Variants in STX3 observed in about 807,000 individuals in gnomAD.
STX3 encodes syntaxin-3.
STX3 carries 19 observed loss-of-function variants against 40.2 expected under a neutral mutation model. That is an observed-to-expected ratio of 0.47 (90% CI 0.33 to 0.69). The LOEUF (loss-of-function observed/expected upper bound fraction) is 0.69, where lower values mean the gene tolerates loss of function less well. Ranked by LOEUF, STX3 falls within the 30% of genes least tolerant of loss-of-function variation. STX3 has a pLI of 0.02. For missense variants in STX3, 364 were observed against 366.7 expected, an observed-to-expected ratio of 0.99 and a Z score of 0.06; for synonymous variants, 122 against 132.2, an observed-to-expected ratio of 0.92 and a Z score of 0.53.
rs1865948906 is a variant in STX3 at position 59,802,962 on chromosome 11, G to A, written c.*2138G>A. 4.1e-6 allele frequency: 4 copies of A among 985,236 alleles called. No individual in the cohort carries two copies. The highest frequency in any genetic ancestry group is 3.6e-6 in the Non-Finnish European group (3 of 829,932). The allele number at this position is 985,236 out of a possible 1,614,324, so 61.0% of individuals were successfully genotyped here. A position where few individuals can be genotyped will look rare whatever the true frequency, so the allele number is the denominator to read the frequency against. On this transcript the variant is annotated 3_prime_UTR_variant, in exon 11 of 11. Transcript: ENST00000337979. ...AGTATCTGGCTTTAGGAGGAAATGGGGGAGATCTGTCACGATGTTATCTAG... is the reference window on the plus strand; with the variant it reads ...AGTATCTGGCTTTAGGAGGAAATGGAGGAGATCTGTCACGATGTTATCTAG...
At chr11:59,767,074 G>A (rs1288610624) in intron 1 of STX3, among the ~76,000 whole-genome samples, 1 of 152,176 alleles carries the variant, frequency 6.6e-6, no homozygotes, top group African/African-American at 2.4e-5. Flanking sequence ...TGAGAGAGAG[G>A]AATTGCAGTT....
chr11:59,793,016 C>A, intron 6 of STX3, 83 bp from the exon 7 acceptor site: 2 of 1,395,378 alleles, frequency 1.4e-6, no homozygotes, highest in South Asian at 1.2e-5. Flanking sequence ...ATAGGGAAGT[C>A]ACGTTCCTAA....
intron 5 of STX3, 90 bp downstream of exon 5, chr11:59,790,676 C>A: frequency 1.0e-6 from 1 of 958,534 alleles, no homozygotes; most frequent in South Asian, 1.5e-5. Context: ...TTAATACAAT[C>A]CTTATTTTGA....
intron 2 of STX3, among the ~76,000 whole-genome samples, chr11:59,786,231 GTTTC>G (rs1194531423): frequency 6.1e-5 from 9 of 148,258 alleles, no homozygotes; most frequent in East Asian, 2.0e-4. Context: ...TTCTTTATCT[GTTTC>G]TTTCTTTCTT....
At chr11:59,783,239 T>C (rs540347086) in intron 2 of STX3, among the ~76,000 whole-genome samples, 1 of 152,300 alleles carries the variant, frequency 6.6e-6, no homozygotes, top group East Asian at 1.9e-4. Flanking sequence ...GGATTGAACA[T>C]GCACATTAAC....
At chr11:59,781,100 T>TTTATATA (rs963410109) in intron 2 of STX3, among the ~76,000 whole-genome samples, 135 of 146,364 alleles carry the variant, frequency 9.2e-4, no homozygotes, top group African/African-American at 3.3e-3. Flanking sequence ...TTTTTTTTTT[T>TTTATATA]TATATTAGCA....
At chr11:59,792,610 A>C (rs914069777) in intron 6 of STX3, among the ~76,000 whole-genome samples, 1 of 152,188 alleles carries the variant, frequency 6.6e-6, no homozygotes, top group African/African-American at 2.4e-5. Flanking sequence ...GAAATAAATA[A>C]AGCCATACCC....
In STX3 at chr11:59,802,880, T is replaced by C. The variant is rs896593284; in HGVS notation, c.*2056T>C. 1.1e-5 allele frequency: 11 copies of C among 985,336 alleles called. No individual in the cohort carries two copies. Among genetic ancestry groups the C allele is most frequent in the East Asian group, 1.1e-4 (1 of 8,830 alleles). 61.0% of individuals were successfully genotyped at this position (985,336 alleles called of 1,614,324 possible). On this transcript the variant is annotated 3_prime_UTR_variant, in exon 11 of 11. Coordinates refer to ENST00000337979, the MANE Select transcript of STX3 (RefSeq NM_004177.5). ...ACTCCCACAGAATGCAGTGTAACTA[T>C]GTTTGTGTTTCAGATTTGAGGTGTT...
At chr11:59,767,881 C>G (rs937454240) in intron 1 of STX3, among the ~76,000 whole-genome samples, 1 of 152,086 alleles carries the variant, frequency 6.6e-6, no homozygotes, top group Non-Finnish European at 1.5e-5. Flanking sequence ...CAACGTTTCC[C>G]TTTTTCTAAG....
At chr11:59,780,145 A>G (rs561477877) in intron 2 of STX3, among the ~76,000 whole-genome samples, 98 of 152,224 alleles carry the variant, frequency 6.4e-4, no homozygotes, top group African/African-American at 2.3e-3. Context: ...TGCTTTTGGT[A>G]TATTTGACTA....
intron 1 of STX3, among the ~76,000 whole-genome samples, chr11:59,766,398 T>C (rs1470786372): frequency 6.6e-6 from 1 of 152,234 alleles, no homozygotes; most frequent in Non-Finnish European, 1.5e-5. Context: ...ACAGTAGGAC[T>C]CTTTCTTAAA....
At chr11:59,762,804 A>C (rs1863105838) in intron 1 of STX3, among the ~76,000 whole-genome samples, 1 of 152,108 alleles carries the variant, frequency 6.6e-6, no homozygotes, top group Non-Finnish European at 1.5e-5. Context: ...CCTTCTTTGA[A>C]TCTCCTTGAA....
At position 59,773,225 on chromosome 11, in the gene STX3, G is replaced by A. The variant is rs756539950; in HGVS notation, c.45G>A (p.Gln15=). ...LEQLKAKQLT[Q]DDDTDAVEIA... is the part of the protein sequence containing the mutation. ...GCCTTTTGCAGAAGCAGCTGACACA[G>A]GATGATGATACTGATGCGGTTGAGA... The change falls in exon 2 of 11, where the codon CAG becomes CAA. Residue 15 remains glutamine (Q), a synonymous_variant. Transcript: ENST00000337979. 2 of 1,614,160 alleles carry A rather than the reference G, an allele frequency of 1.2e-6. No homozygotes were observed. The highest frequency in any genetic ancestry group is 1.7e-5 in the Admixed American group (1 of 60,014).
chr11:59,763,286 C>G (rs1863129724), intron 1 of STX3, among the ~76,000 whole-genome samples: 1 of 152,116 alleles, frequency 6.6e-6, no homozygotes, highest in Non-Finnish European at 1.5e-5. Context: ...CTGTGTGATT[C>G]TGGATGAATT....
chr11:59,785,201 A>G (rs1489320230), intron 2 of STX3, among the ~76,000 whole-genome samples: 1 of 152,146 alleles, frequency 6.6e-6, no homozygotes, highest in Non-Finnish European at 1.5e-5. Context: ...AAGCAGCTCT[A>G]CTCTTAAACT....
chr11:59,800,877 G>A lies in STX3; in HGVS notation c.*53G>A. The A allele has an allele frequency of 6.5e-7, 1 of 1,536,228 alleles. No individual in the cohort carries two copies. The highest frequency in any genetic ancestry group is 8.7e-7 in the Non-Finnish European group (1 of 1,146,900). On this transcript the variant is annotated 3_prime_UTR_variant, in exon 11 of 11. Coordinates refer to ENST00000337979, the MANE Select transcript of STX3 (RefSeq NM_004177.5). ...TAGAAACTGATTTCACTCCAGACTG[G>A]TGTGGCCACCCTTGTCTTCAGATGA...
At chr11:59,770,823 T>G (rs1476457987) in intron 1 of STX3, among the ~76,000 whole-genome samples, 2 of 152,092 alleles carry the variant, frequency 1.3e-5, no homozygotes, top group African/African-American at 4.8e-5. Context: ...CTAAATGAAC[T>G]TAAAAAAGAC....
chr11:59,769,492 TGACTG>T (rs1177839722), intron 1 of STX3, among the ~76,000 whole-genome samples: 1 of 152,194 alleles, frequency 6.6e-6, no homozygotes, highest in Non-Finnish European at 1.5e-5. Context: ...GTTTGGGACT[TGACTG>T]AGGCATCCCA....
At chr11:59,768,633 A>G (rs1041728652) in intron 1 of STX3, among the ~76,000 whole-genome samples, 1 of 152,198 alleles carries the variant, frequency 6.6e-6, no homozygotes, top group Admixed American at 6.5e-5. Context: ...GGGGGAGAAT[A>G]GTGGGAATAT....
Sources: gnomAD v4.1 joint callset for allele counts (sites outside exome capture counted in the v4.1 genomes callset) on GRCh38, gnomAD v4.1.1 for gene constraint, MANE v1.5 for transcripts, NCBI Gene and HGNC (gene_info 2026-07-23, HGNC 2026-07-21) for gene names.